The following DNAH2 variants were observed in gnomAD, a reference collection of about 807,000 sequenced individuals.
The protein encoded by DNAH2 is axonemal beta dynein heavy chain 2.
DNAH2 carries 323 observed loss-of-function variants against 523.5 expected under a neutral mutation model. That is an observed-to-expected ratio of 0.62 (90% CI 0.56 to 0.68). The LOEUF (loss-of-function observed/expected upper bound fraction) is 0.68, where lower values mean the gene tolerates loss of function less well. DNAH2 is among the 30% of genes least tolerant of loss of function. DNAH2 has a pLI of 0.00. For synonymous variants in DNAH2, 2,093 were observed against 2,177.4 expected (o/e 0.96, Z 1.08); for missense variants, 4,907 against 5,701.5 (o/e 0.86, Z 4.49).
In DNAH2 at chr17:7,778,152, C is replaced by T. The variant is rs767260185; in HGVS notation, c.5323C>T (p.Arg1775Trp). Residue 1775 changes from arginine to tryptophan, a missense_variant, in exon 34 of 86, where the codon CGG (arginine) becomes TGG (tryptophan). Physicochemically the swap from Arg to Trp is moderately radical, Grantham distance 101. Around this residue, in one of 3 missense-constraint regions of DNAH2, gnomAD observed 2,806 missense variants for 3,190.8 expected, o/e 0.88. Transcript: ENST00000572933. ...TTATGAGTACTTGGGTAACTCGGGC[C>T]GGCTCGTCATCACCCCCCTGACGGA... is the stretch of plus-strand genomic sequence containing the variant. ...YNYEYLGNSG[R>W]LVITPLTDRC... 15 of 1,614,036 alleles carry T rather than the reference C, an allele frequency of 9.3e-6. No homozygotes were observed. Among genetic ancestry groups the T allele is most frequent in the Admixed American group, 3.3e-5 (2 of 60,004 alleles).
chr17:7,721,043 C>G (rs944873695), intron 2 of DNAH2, among the ~76,000 whole-genome samples: 2 of 131,384 alleles, frequency 1.5e-5, no homozygotes, highest in African/African-American at 5.5e-5. Flanking sequence ...AATTCTCACT[C>G]TGTCTCCCAG....
At chr17:7,808,835 C>A (rs1349384336) in intron 63 of DNAH2, among the ~76,000 whole-genome samples, 1 of 152,190 alleles carries the variant, frequency 6.6e-6, no homozygotes, top group Non-Finnish European at 1.5e-5. Flanking sequence ...GTCTCAAACT[C>A]CTGACCTCAG....
intron 12 of DNAH2, among the ~76,000 whole-genome samples, chr17:7,749,589 A>C (rs1408401305): frequency 6.6e-6 from 1 of 152,112 alleles, no homozygotes; most frequent in African/African-American, 2.4e-5. Context: ...ATTGATGTTT[A>C]GGGCTTATCT....
Position 7,794,340 on chromosome 17 carries a change from C to T in DNAH2, c.7656C>T (p.Ile2552=). ...GGCTACGGAGTCGCTTCAACATTAT[C>T]AACATGACCTTCCCCACAGTGAGGA... The part of the protein sequence containing the change: ...SPRLRSRFNI[I]NMTFPTKSQI... Residue 2552 remains isoleucine, a synonymous_variant, in exon 49 of 86, where the codon ATC becomes ATT. Transcript: ENST00000572933. 1 of 1,605,080 alleles carries T rather than the reference C, an allele frequency of 6.2e-7. No individual in the cohort carries two copies. The highest frequency in any genetic ancestry group is 2.3e-5 in the East Asian group (1 of 43,976).
In DNAH2 at chr17:7,767,887, T is replaced by G. The variant is rs764785149; in HGVS notation, c.3676-13T>G. 6.2e-6 allele frequency: 10 copies of G among 1,613,896 alleles called. No individual in the cohort carries two copies. In the East Asian group the frequency reaches 6.7e-5, roughly 11 times the overall value. On this transcript the variant is annotated splice_polypyrimidine_tract_variant and intron_variant, in intron 22 of 85. Transcript: ENST00000572933. ...AGGTGCCACTTCATGCAACGCGCCT[T>G]TCTGCCCTGTAGGAGCTCGATGCCC...
In DNAH2 at chr17:7,823,972, A is replaced by C; in HGVS notation, c.11468A>C (p.Asn3823Thr). The C allele has an allele frequency of 1.2e-6, 2 of 1,613,090 alleles. No individual in the cohort carries two copies. The highest frequency in any genetic ancestry group is 1.7e-6 in the Non-Finnish European group (2 of 1,179,650). The change falls in exon 75 of 86, where the codon AAT (asparagine) becomes ACT (threonine). Residue 3823 changes from asparagine (N) to threonine (T), a missense_variant. Asn to Thr is a moderately conservative substitution (Grantham distance 65, BLOSUM62 0). Around this residue, in one of 3 missense-constraint regions of DNAH2, gnomAD observed 1,851 missense variants for 2,139.4 expected, o/e 0.87. Coordinates refer to ENST00000572933, the MANE Select transcript of DNAH2 (RefSeq NM_020877.5). ...GSRFIEPPVL[N>T]MKSVLEDSTP... Reference sequence around the variant, plus strand: ...CGCTTCATCGAGCCGCCTGTGCTGAATATGAAGTCGGTCGGTGGCTCGGCT... The same window carrying C: ...CGCTTCATCGAGCCGCCTGTGCTGACTATGAAGTCGGTCGGTGGCTCGGCT...
In DNAH2 at chr17:7,798,400, T is replaced by C. The variant is rs894675291; in HGVS notation, c.8398+76T>C. The C allele has an allele frequency of 1.9e-6, 3 of 1,546,446 alleles. No individual in the cohort carries two copies. The highest frequency in any genetic ancestry group is 2.6e-6 in the Non-Finnish European group (3 of 1,144,600). ...TCCTGCAGTGACAAGAGAGGAGAGATGGCAGCCAGATGGGCAGACGTGTCT... is the reference window on the plus strand; with the variant it reads ...TCCTGCAGTGACAAGAGAGGAGAGACGGCAGCCAGATGGGCAGACGTGTCT... On this transcript the variant is annotated intron_variant, in intron 54 of 85. Coordinates refer to ENST00000572933, the MANE Select transcript of DNAH2 (RefSeq NM_020877.5). This position sits in a 1 kb window ranked among gnomAD's most constrained non-coding sequence, Gnocchi z 5.5.
At chr17:7,769,507 CAGAAGT>C (rs1467133513) in intron 24 of DNAH2, among the ~76,000 whole-genome samples, 2 of 152,312 alleles carry the variant, frequency 1.3e-5, no homozygotes, top group East Asian at 3.9e-4. Context: ...TTGAGGTAGC[CAGAAGT>C]ATAACTTTCT....
chr17:7,767,823 C>T, intron 22 of DNAH2, 77 bp from the exon 23 acceptor site: 1 of 1,586,644 alleles, frequency 6.3e-7, no homozygotes, highest in Non-Finnish European at 8.6e-7. Flanking sequence ...AGAGCGAGAG[C>T]AGCGAAGGGC....
intron 3 of DNAH2, among the ~76,000 whole-genome samples, chr17:7,725,408 G>A (rs529483897): frequency 6.9e-5 from 7 of 100,818 alleles, no homozygotes; most frequent in Admixed American, 6.1e-4. Context: ...TATTTTATTT[G>A]TATTTGACTT....
intron 48 of DNAH2, among the ~76,000 whole-genome samples, chr17:7,793,503 C>A (rs1269476727): frequency 7.4e-6 from 1 of 135,110 alleles, no homozygotes; most frequent in African/African-American, 2.6e-5. Context: ...TTCTTTCTTT[C>A]TTTCTTTCTT....
Position 7,740,544 on chromosome 17 carries a change from C to T in DNAH2, c.1501C>T (p.Arg501Cys). The T allele has an allele frequency of 6.2e-7, 1 of 1,613,412 alleles. No individual in the cohort carries two copies. The highest frequency in any genetic ancestry group is 1.1e-5 in the South Asian group (1 of 91,068). ...LLDTFHRLASREAIKRTYDKK... is the reference protein window; with the variant it reads ...LLDTFHRLASCEAIKRTYDKK... The stretch of plus-strand genomic sequence containing the variant: ...GGACACCTTCCACAGGCTTGCCTCC[C>T]GCGAGGTGCGGCTGCCCCGCGGCTT... Residue 501 changes from arginine (R) to cysteine (C), a missense_variant, in exon 10 of 86, where the codon CGC (arginine) becomes TGC (cysteine). Physicochemically the swap from Arg to Cys is radical, Grantham distance 180 (BLOSUM62 -3). Transcript: ENST00000572933.
At chr17:7,751,616 C>A (rs2151179098) in intron 12 of DNAH2, among the ~76,000 whole-genome samples, 1 of 152,230 alleles carries the variant, frequency 6.6e-6, no homozygotes, top group East Asian at 1.9e-4. Context: ...TAGTGAACTA[C>A]TATCTTTATA....
chr17:7,749,327 A>G (rs1567636889), intron 12 of DNAH2, among the ~76,000 whole-genome samples: 1 of 140,254 alleles, frequency 7.1e-6, no homozygotes, highest in Admixed American at 7.3e-5. Context: ...AAAAAAAAAA[A>G]AAAAAAAAAA....
Position 7,796,462 on chromosome 17 carries a change from A to C in DNAH2, c.7675-2A>C. 2 of 1,613,626 alleles carry C rather than the reference A, an allele frequency of 1.2e-6. No homozygotes were observed. The highest frequency in any genetic ancestry group is 1.7e-6 in the Non-Finnish European group (2 of 1,179,878). On this transcript the variant is annotated splice_acceptor_variant, in intron 49 of 85. Coordinates refer to ENST00000572933, the MANE Select transcript of DNAH2 (RefSeq NM_020877.5). LOFTEE classifies it high-confidence loss of function. The stretch of plus-strand genomic sequence containing the variant: ...GGAGAGTGAGCCAGGGTCTGTTTCT[A>C]GAAGTCCCAGATCATCCGCATATTC...
At chr17:7,769,829 A>G (rs909768275) in intron 24 of DNAH2, among the ~76,000 whole-genome samples, 1 of 152,250 alleles carries the variant, frequency 6.6e-6, no homozygotes, top group South Asian at 2.1e-4. Flanking sequence ...ATTAAGTGTT[A>G]TACGGTTATG....
intron 15 of DNAH2, 44 bp from the exon 16 acceptor site, chr17:7,759,378 G>C: frequency 6.4e-7 from 1 of 1,570,826 alleles, no homozygotes. Context: ...GATGTGCCCT[G>C]TCTTCCCTGA....
chr17:7,737,365 A>G, intron 8 of DNAH2, 107 bp downstream of exon 8: 1 of 1,224,882 alleles, frequency 8.2e-7, no homozygotes, highest in Admixed American at 2.1e-5. Context: ...AAGGTAGTGA[A>G]GATTGCCCTT....
At position 7,779,431 on chromosome 17, in the gene DNAH2, G is replaced by T; in HGVS notation, c.5722+8G>T. The T allele has an allele frequency of 1.9e-6, 3 of 1,612,336 alleles. No individual in the cohort carries two copies. Among genetic ancestry groups the T allele is most frequent in the East Asian group, 4.5e-5 (2 of 44,874 alleles). ...TCATTACCATGAATCCTGGTAGGTG[G>T]CAGGGAGTGGATGGGACTCCTGGGG... On this transcript the variant is annotated splice_region_variant and intron_variant, in intron 36 of 85. Coordinates refer to ENST00000572933, the MANE Select transcript of DNAH2 (RefSeq NM_020877.5).
Sources: allele counts gnomAD v4.1 joint callset (sites outside exome capture counted in the v4.1 genomes callset), GRCh38; gene constraint gnomAD v4.1.1; regional missense constraint gnomAD v4.1.1; non-coding constraint Gnocchi (gnomAD v3.1); transcripts MANE v1.5; gene names NCBI Gene and HGNC (gene_info 2026-07-23, HGNC 2026-07-21).